Variants in HIVEP3 observed in about 807,000 individuals in gnomAD.
The protein encoded by HIVEP3 is transcription factor HIVEP3.
A neutral mutation model predicts 152.8 loss-of-function variants in HIVEP3; 49 were observed. The observed-to-expected ratio is 0.32, with a 90% confidence interval of 0.26 to 0.41. HIVEP3 has a LOEUF of 0.41. HIVEP3 is among the 10% of genes least tolerant of loss of function. The pLI is 1.00. For synonymous variants in HIVEP3, 1,269 were observed against 1,289.0 expected (o/e 0.98, Z 0.33); for missense variants, 2,790 against 3,103.3 (o/e 0.90, Z 2.40).
At chr1:41,768,931 C>T (rs1192275989) in intron 1 of HIVEP3, among the ~76,000 whole-genome samples, 1 of 152,228 alleles carries the variant, frequency 6.6e-6, no homozygotes, top group Non-Finnish European at 1.5e-5. Flanking sequence ...CGGCAGGTCT[C>T]CCCACAAGGC....
chr1:41,960,452 C>G (rs907027120), intron 1 of HIVEP3, among the ~76,000 whole-genome samples: 1 of 152,188 alleles, frequency 6.6e-6, no homozygotes, highest in African/African-American at 2.4e-5. Flanking sequence ...ACTCCTCCCC[C>G]AAGTGTCACT....
chr1:41,840,636 T>C (rs937873432), intron 1 of HIVEP3, among the ~76,000 whole-genome samples: 5 of 152,136 alleles, frequency 3.3e-5, no homozygotes, highest in Non-Finnish European at 5.9e-5. Flanking sequence ...AGACCCTACA[T>C]TCTCATCCAA....
At chr1:41,552,307 G>A (rs1287196988) in intron 5 of HIVEP3, among the ~76,000 whole-genome samples, 2 of 150,452 alleles carry the variant, frequency 1.3e-5, no homozygotes, top group East Asian at 1.9e-4. Flanking sequence ...ATGCTGGTGC[G>A]TTGCACCCAC....
At chr1:41,864,174 C>A (rs1643927010) in intron 1 of HIVEP3, among the ~76,000 whole-genome samples, 2 of 152,188 alleles carry the variant, frequency 1.3e-5, no homozygotes, top group Non-Finnish European at 2.9e-5. Context: ...GCCTTTTCTT[C>A]CCTTCCTTCC....
chr1:41,744,612 CTT>C (rs1345999192), intron 1 of HIVEP3, among the ~76,000 whole-genome samples: 4 of 152,170 alleles, frequency 2.6e-5, no homozygotes, highest in Non-Finnish European at 4.4e-5. Flanking sequence ...GTTTGATTTG[CTT>C]TTGTTTTTCT....
intron 2 of HIVEP3, among the ~76,000 whole-genome samples, chr1:41,630,906 A>G (rs1645185066): frequency 6.6e-6 from 1 of 152,216 alleles, no homozygotes; most frequent in South Asian, 2.1e-4. Flanking sequence ...AATGAAATAC[A>G]GTAATAGACA....
Position 41,536,817 on chromosome 1 carries a change from G to A in HIVEP3, c.5208-11907C>T, listed in dbSNP as rs138625552. Among the ~76,000 whole-genome samples the A allele has an allele frequency of 5.1e-3, 779 of 152,282 alleles. 6 individuals are homozygous for A. Among genetic ancestry groups the A allele is most frequent in the African/African-American group, 0.011 (446 of 41,534 alleles). The stretch of plus-strand genomic sequence containing the variant: ...CATGACAGCCCTATGTGATGGGGCT[G>A]TCATGATTCCCATTTACACAGGAGA... On this transcript the variant is annotated intron_variant, in intron 5 of 8. Coordinates refer to ENST00000372583, the MANE Select transcript of HIVEP3 (RefSeq NM_024503.5).
intron 2 of HIVEP3, among the ~76,000 whole-genome samples, chr1:41,642,867 C>A (rs1478378852): frequency 6.6e-6 from 1 of 152,116 alleles, no homozygotes; most frequent in African/African-American, 2.4e-5. Flanking sequence ...GGGCCAGGAC[C>A]CCTAGGGGCT....
Position 41,581,037 on chromosome 1 carries a change from A to G in HIVEP3, c.3761T>C (p.Val1254Ala). The G allele has an allele frequency of 6.4e-7, 1 of 1,559,126 alleles. No individual in the cohort carries two copies. The highest frequency in any genetic ancestry group is 8.7e-7 in the Non-Finnish European group (1 of 1,152,342). The change falls in exon 4 of 9, where the codon GTG (valine) becomes GCG (alanine). Residue 1254 changes from valine (V) to alanine (A), a missense_variant. Physicochemically the swap from Val to Ala is moderately conservative, Grantham distance 64. Coordinates refer to ENST00000372583, the MANE Select transcript of HIVEP3 (RefSeq NM_024503.5). The surrounding 1 kb of genome is among the most constrained non-coding windows in gnomAD (Gnocchi z 4.5). The part of the protein sequence containing the change: ...SQFALQLPGD[V>A]ESHLPQIKTS... ...TTTGATCTGGGGCAGATGGCTTTCC[A>G]CATCACCAGGGAGCTGAAGTGCAAA... is the stretch of plus-strand genomic sequence containing the variant.
intron 1 of HIVEP3, among the ~76,000 whole-genome samples, chr1:41,871,046 T>A (rs181812110): frequency 2.6e-4 from 40 of 152,348 alleles, no homozygotes; most frequent in Admixed American, 1.6e-3. Flanking sequence ...TGTTTTTATT[T>A]TCTGGAAGAA....
intron 1 of HIVEP3, among the ~76,000 whole-genome samples, chr1:41,914,052 T>A (rs546787614): frequency 6.6e-6 from 1 of 152,070 alleles, no homozygotes; most frequent in Non-Finnish European, 1.5e-5. Context: ...ATATAAAGCT[T>A]CCCCCTTTAT....
rs1466725458 is a variant in HIVEP3 at position 41,584,966 on chromosome 1, G to A, written c.-169C>T. On this transcript the variant is annotated 5_prime_UTR_variant, in exon 4 of 9. Transcript: ENST00000372583. The surrounding 1 kb of genome is among the most constrained non-coding windows in gnomAD (Gnocchi z 5.2). ...GTTTTTTGCAAGTGTCACTGGCTGT[G>A]AGTGGACTCGGAGCAGGTCATCAGG... 3.9e-6 allele frequency: 2 copies of A among 506,640 alleles called. No individual in the cohort carries two copies. Among genetic ancestry groups the A allele is most frequent in the Non-Finnish European group, 6.5e-6 (2 of 305,494 alleles). 31.4% of individuals were successfully genotyped at this position (506,640 alleles called of 1,614,324 possible).
rs140031756 is a variant in HIVEP3, at chr1:41,573,992, G to C, written c.5207+1552C>G. On this transcript the variant is annotated intron_variant, in intron 5 of 8. Transcript: ENST00000372583. ...AGGTAGAGACATCCAGCAGGGAGCT[G>C]GGCACGGAGTGGCTCCTGCCAGCTG... is the stretch of plus-strand genomic sequence containing the variant. Among the ~76,000 whole-genome samples, 107 of 152,240 alleles carry C rather than the reference G, an allele frequency of 7.0e-4. 1 individual carries two copies. In the East Asian group the frequency reaches 0.018, roughly 25 times the overall value.
intron 1 of HIVEP3, among the ~76,000 whole-genome samples, chr1:41,875,432 C>CAGAG (rs1644153285): frequency 6.6e-6 from 1 of 152,256 alleles, no homozygotes; most frequent in Non-Finnish European, 1.5e-5. Context: ...CCTTCTGGCC[C>CAGAG]CTCTTCATCT....
intron 1 of HIVEP3, among the ~76,000 whole-genome samples, chr1:41,882,114 C>T (rs1326339689): frequency 6.6e-6 from 1 of 152,160 alleles, no homozygotes; most frequent in Non-Finnish European, 1.5e-5. Context: ...ACTCCCAAAC[C>T]ACACAATGTA....
chr1:41,806,035 G>C (rs1650588140), intron 1 of HIVEP3, among the ~76,000 whole-genome samples: 1 of 152,194 alleles, frequency 6.6e-6, no homozygotes, highest in African/African-American at 2.4e-5. Context: ...GGTAGAAGCA[G>C]TACCAGCTGA....
At chr1:41,554,564 A>C (rs1400502760) in intron 5 of HIVEP3, among the ~76,000 whole-genome samples, 1 of 152,196 alleles carries the variant, frequency 6.6e-6, no homozygotes, top group Non-Finnish European at 1.5e-5. Context: ...GGAGGAGAAG[A>C]GGCACTCTGA....
Position 41,575,432 on chromosome 1 carries a change from G to A in HIVEP3, c.5207+112C>T, listed in dbSNP as rs1382547557. The stretch of plus-strand genomic sequence containing the variant: ...CTGAAAGGCATCGCTGGGACCACAG[G>A]GCACCTGTGGGCAGAGCCCTTGCCA... On this transcript the variant is annotated intron_variant, in intron 5 of 8. Transcript: ENST00000372583. The A allele has an allele frequency of 5.3e-6, 6 of 1,130,648 alleles. No individual in the cohort carries two copies. In the East Asian group the frequency reaches 1.4e-4, roughly 27 times the overall value. The allele number at this position is 1,130,648 out of a possible 1,614,324, so 70.0% of individuals were successfully genotyped here. A position where few individuals can be genotyped will look rare whatever the true frequency, so the allele number is the denominator to read the frequency against.
intron 1 of HIVEP3, among the ~76,000 whole-genome samples, chr1:41,889,228 C>T (rs886879693): frequency 6.6e-6 from 1 of 152,010 alleles, no homozygotes; most frequent in Admixed American, 6.6e-5. Flanking sequence ...CACCCCACAC[C>T]TCACACAGTC....
Sources: allele counts gnomAD v4.1 joint callset (sites outside exome capture counted in the v4.1 genomes callset), GRCh38; gene constraint gnomAD v4.1.1; non-coding constraint Gnocchi (gnomAD v3.1); transcripts MANE v1.5; gene names NCBI Gene and HGNC (gene_info 2026-07-23, HGNC 2026-07-21).